SLC39A11: variants seen among roughly 807,000 people sequenced by gnomAD.
SLC39A11 encodes zinc transporter ZIP11.
Under a neutral mutation model 36.1 loss-of-function variants are expected in SLC39A11, and 33 were observed. That is an observed-to-expected ratio of 0.91 (90% confidence interval 0.69 to 1.22). The LOEUF (loss-of-function observed/expected upper bound fraction) is 1.22, where lower values mean the gene tolerates loss of function less well. SLC39A11 is among the 50% of genes most tolerant of loss of function. The pLI, the probability that SLC39A11 is intolerant of heterozygous loss-of-function variation, is 0.00. For missense variants in SLC39A11, 432 were observed against 430.3 expected (o/e 1.00, Z -0.03); for synonymous variants, 166 against 170.3 (o/e 0.97, Z 0.20).
chr17:72,991,382 G>T (rs1351861280), intron 4 of SLC39A11, among the ~76,000 whole-genome samples: 1 of 150,772 alleles, frequency 6.6e-6, no homozygotes. Flanking sequence ...TTTTGAGATG[G>T]AGCCTTGCTC....
intron 6 of SLC39A11, among the ~76,000 whole-genome samples, chr17:72,750,717 A>G (rs2144314931): frequency 6.6e-6 from 1 of 152,226 alleles, no homozygotes; most frequent in South Asian, 2.1e-4. Flanking sequence ...GCATCATACC[A>G]CAACGTATGT....
intron 4 of SLC39A11, among the ~76,000 whole-genome samples, chr17:72,980,854 T>C (rs1000847673): frequency 6.6e-5 from 10 of 151,952 alleles, no homozygotes; most frequent in Middle Eastern, 3.2e-3. Flanking sequence ...TGAAACCCCG[T>C]CTCTACTAAA....
At chr17:72,989,945 T>C (rs1395200385) in intron 4 of SLC39A11, among the ~76,000 whole-genome samples, 1 of 152,236 alleles carries the variant, frequency 6.6e-6, no homozygotes, top group Non-Finnish European at 1.5e-5. Context: ...CAGTAATTTA[T>C]TCTTTCGATG....
At chr17:72,738,632 A>C (rs530471457) in intron 6 of SLC39A11, among the ~76,000 whole-genome samples, 1 of 152,294 alleles carries the variant, frequency 6.6e-6, no homozygotes, top group East Asian at 1.9e-4. Flanking sequence ...GGCGCTTCTG[A>C]CATCTGTGAA....
At chr17:72,838,880 G>C (rs1358344234) in intron 6 of SLC39A11, among the ~76,000 whole-genome samples, 1 of 152,190 alleles carries the variant, frequency 6.6e-6, no homozygotes, top group Non-Finnish European at 1.5e-5. Context: ...TAGCAGTGGA[G>C]GCAGGCAGGG....
chr17:73,055,152 G>A (rs145246666), intron 3 of SLC39A11, among the ~76,000 whole-genome samples: 307 of 152,320 alleles, frequency 2.0e-3, no homozygotes, highest in Non-Finnish European at 3.7e-3. Context: ...TTGGCTGCTG[G>A]CTGTCTCTGG....
intron 6 of SLC39A11, among the ~76,000 whole-genome samples, chr17:72,755,641 T>C (rs1359739279): frequency 6.6e-6 from 1 of 152,274 alleles, no homozygotes; most frequent in African/African-American, 2.4e-5. Context: ...CAAGGTGCTC[T>C]AAGCCTAGAG....
chr17:72,648,735 C>T, intron 9 of SLC39A11, 68 bp downstream of exon 9: 1 of 1,586,022 alleles, frequency 6.3e-7, no homozygotes, highest in Non-Finnish European at 8.6e-7. Flanking sequence ...GAAGAAAGAG[C>T]ATATCCCAAG....
chr17:72,678,725 C>A (rs2071386658), intron 7 of SLC39A11, among the ~76,000 whole-genome samples: 1 of 151,924 alleles, frequency 6.6e-6, no homozygotes, highest in African/African-American at 2.4e-5. Flanking sequence ...ATGCCTCATG[C>A]TCTTGGGGTA....
rs561093135 is a variant in SLC39A11, at chr17:72,675,928, C to T, written c.672-26660G>A. On this transcript the variant is annotated intron_variant, in intron 7 of 9. Transcript: ENST00000255559. ...TCCTAAGCTCAGGTAATCCACCTGC[C>T]TTGGCCTCCCAAAGTGCTGGGATGA... 8.2e-4 allele frequency among the ~76,000 whole-genome samples: 125 copies of T among 152,232 alleles called. 1 individual carries two copies. Among genetic ancestry groups the T allele is most frequent in the African/African-American group, 2.9e-3 (120 of 41,528 alleles).
rs551804092 is a variant in SLC39A11, at chr17:72,893,724, A to C, written c.431-43920T>G. ...AAATCAAGGTTAGAATAAGTTCAAAAGAAGATCTGGTTCTTGACCATGATA... is the reference window on the plus strand; with the variant it reads ...AAATCAAGGTTAGAATAAGTTCAAACGAAGATCTGGTTCTTGACCATGATA... On this transcript the variant is annotated intron_variant, in intron 5 of 9. Transcript: ENST00000255559. Among the ~76,000 whole-genome samples, 325 of 152,324 alleles carry C rather than the reference A, an allele frequency of 2.1e-3. 3 individuals are homozygous for C. The highest frequency in any genetic ancestry group is 7.4e-3 in the African/African-American group (306 of 41,568).
At chr17:72,721,084 C>G (rs2567509) in intron 7 of SLC39A11, among the ~76,000 whole-genome samples, 1 of 110,152 alleles carries the variant, frequency 9.1e-6, no homozygotes, top group Non-Finnish European at 1.8e-5. Flanking sequence ...TGCTGTCCCT[C>G]GCCTTTTTTT....
intron 4 of SLC39A11, among the ~76,000 whole-genome samples, chr17:72,985,964 G>A (rs1421905713): frequency 3.3e-5 from 5 of 152,066 alleles, no homozygotes; most frequent in Admixed American, 3.3e-4. Flanking sequence ...AAAATACTAC[G>A]GGAAGACTGG....
intron 5 of SLC39A11, among the ~76,000 whole-genome samples, chr17:72,852,315 A>G (rs924552967): frequency 6.6e-6 from 1 of 151,984 alleles, no homozygotes; most frequent in Non-Finnish European, 1.5e-5. Context: ...CAGGGCAGGT[A>G]GACTCACTCC....
chr17:72,900,010 G>A (rs2082245302), intron 5 of SLC39A11, among the ~76,000 whole-genome samples: 1 of 132,562 alleles, frequency 7.5e-6, no homozygotes, highest in Non-Finnish European at 1.5e-5. Flanking sequence ...GAGAAAGAGA[G>A]AGAGAGAGAA....
rs975595186 is a variant in SLC39A11, at chr17:72,880,862, T to C, written c.431-31058A>G. ...ACGCCCGGCTAATCTTTTGTATTTT[T>C]AGTAGAGACAGGGTTTCTCTGTGTA... On this transcript the variant is annotated intron_variant, in intron 5 of 9. Coordinates refer to ENST00000255559, the MANE Select transcript of SLC39A11 (RefSeq NM_139177.4). 1.1e-4 allele frequency among the ~76,000 whole-genome samples: 16 copies of C among 149,972 alleles called. 1 individual carries two copies. The highest frequency in any genetic ancestry group is 4.0e-4 in the African/African-American group (16 of 40,294).
At chr17:73,008,956 G>A (rs984610890) in intron 4 of SLC39A11, among the ~76,000 whole-genome samples, 5 of 151,584 alleles carry the variant, frequency 3.3e-5, no homozygotes, top group African/African-American at 1.2e-4. Flanking sequence ...AGCTACTCAG[G>A]AGGCTAAGGC....
At chr17:72,747,684 G>A (rs2074996216) in intron 6 of SLC39A11, among the ~76,000 whole-genome samples, 3 of 152,208 alleles carry the variant, frequency 2.0e-5, no homozygotes, top group Non-Finnish European at 2.9e-5. Context: ...GCCTTCTGGG[G>A]AGACTAGCTG....
chr17:72,964,069 C>G (rs370544439), intron 4 of SLC39A11, among the ~76,000 whole-genome samples: 33 of 149,564 alleles, frequency 2.2e-4, no homozygotes, highest in African/African-American at 7.6e-4. Flanking sequence ...GCTAGTGGCG[C>G]CCCCCGAGGT....
Sources: gnomAD v4.1 joint callset for allele counts (sites outside exome capture counted in the v4.1 genomes callset) on GRCh38, gnomAD v4.1.1 for gene constraint, MANE v1.5 for transcripts, NCBI Gene and HGNC (gene_info 2026-07-23, HGNC 2026-07-21) for gene names.